Variants in B3GALT5 observed in about 807,000 individuals in gnomAD.
B3GALT5 encodes beta-1,3-galactosyltransferase 5.
For missense variants in B3GALT5, 328 were observed against 396.6 expected, an observed-to-expected ratio of 0.83 and a Z score of 1.47; for synonymous variants, 156 against 158.6, an observed-to-expected ratio of 0.98 and a Z score of 0.12.
chr21:39,649,305 G>T (rs2079371919), intron 2 of B3GALT5, among the ~76,000 whole-genome samples: 1 of 152,160 alleles, frequency 6.6e-6, no homozygotes, highest in Non-Finnish European at 1.5e-5. Context: ...ATTCTGAGCT[G>T]CCCTGCCTGC....
chr21:39,631,885 A>G (rs753902287), intron 1 of B3GALT5, among the ~76,000 whole-genome samples: 4 of 152,196 alleles, frequency 2.6e-5, no homozygotes, highest in African/African-American at 7.2e-5. Flanking sequence ...TGAGGGGGCT[A>G]CATTTGGGCT....
chr21:39,640,408 C>T (rs572748724), intron 1 of B3GALT5, among the ~76,000 whole-genome samples: 41 of 152,228 alleles, frequency 2.7e-4, no homozygotes, highest in Admixed American at 4.6e-4. Flanking sequence ...CCCTCATGCT[C>T]CCTGGTTCAG....
chr21:39,638,341 A>T (rs1246182105), intron 1 of B3GALT5, among the ~76,000 whole-genome samples: 1 of 152,204 alleles, frequency 6.6e-6, no homozygotes, highest in Non-Finnish European at 1.5e-5. Context: ...GGAGGAACAC[A>T]TGGGCGGCTG....
chr21:39,616,293 T>C (rs2079107128), intron 1 of B3GALT5, among the ~76,000 whole-genome samples: 1 of 152,180 alleles, frequency 6.6e-6, no homozygotes, highest in Admixed American at 6.5e-5. Flanking sequence ...ATTTATTCAT[T>C]TTTCCATAGA....
intron 1 of B3GALT5, among the ~76,000 whole-genome samples, chr21:39,625,908 T>C (rs1383709797): frequency 1.3e-5 from 2 of 152,216 alleles, no homozygotes; most frequent in Non-Finnish European, 2.9e-5. Context: ...TACAATTCAG[T>C]GAACCCCTAA....
intron 1 of B3GALT5, among the ~76,000 whole-genome samples, chr21:39,644,268 C>T (rs1245773193): frequency 1.3e-5 from 2 of 152,092 alleles, no homozygotes; most frequent in South Asian, 4.2e-4. Flanking sequence ...TCCCCAACAC[C>T]TGTGAAGATA....
intron 1 of B3GALT5, among the ~76,000 whole-genome samples, chr21:39,616,717 T>G (rs1488354293): frequency 6.6e-6 from 1 of 152,170 alleles, no homozygotes; most frequent in African/African-American, 2.4e-5. Context: ...GGAGATACAG[T>G]TTATCAGCTT....
At chr21:39,625,378 G>A (rs924092797) in intron 1 of B3GALT5, among the ~76,000 whole-genome samples, 1 of 152,130 alleles carries the variant, frequency 6.6e-6, no homozygotes, top group African/African-American at 2.4e-5. Context: ...AACCCCACTC[G>A]GTCCATCTTT....
chr21:39,655,919 T>C (rs1238306627), intron 2 of B3GALT5, among the ~76,000 whole-genome samples: 1 of 152,168 alleles, frequency 6.6e-6, no homozygotes, highest in Non-Finnish European at 1.5e-5. Flanking sequence ...ATATTTTCAG[T>C]CTGTACAACG....
intron 2 of B3GALT5, among the ~76,000 whole-genome samples, chr21:39,650,706 T>G (rs77119019): frequency 0.18 from 26,706 of 151,950 alleles, 2,391 homozygotes; most frequent in Admixed American, 0.19. Flanking sequence ...TGGTGGAACG[T>G]CCACAGGATA....
At chr21:39,615,957 T>A (rs2079105313) in intron 1 of B3GALT5, among the ~76,000 whole-genome samples, 1 of 152,226 alleles carries the variant, frequency 6.6e-6, no homozygotes, top group Non-Finnish European at 1.5e-5. Context: ...TTTTAAAAAA[T>A]AACATGATTT....
intron 2 of B3GALT5, among the ~76,000 whole-genome samples, chr21:39,657,119 C>G (rs1032781186): frequency 4.6e-5 from 7 of 152,236 alleles, no homozygotes; most frequent in Non-Finnish European, 1.0e-4. Flanking sequence ...CTCCTGGCAT[C>G]TATATTGCTC....
At chr21:39,636,610 G>C (rs558577826) in intron 1 of B3GALT5, among the ~76,000 whole-genome samples, 1 of 152,084 alleles carries the variant, frequency 6.6e-6, no homozygotes, top group African/African-American at 2.4e-5. Context: ...CTTCTTGAGG[G>C]GCTGTGCACA....
chr21:39,620,296 A>G (rs987790952), intron 1 of B3GALT5, among the ~76,000 whole-genome samples: 4 of 152,208 alleles, frequency 2.6e-5, no homozygotes, highest in Admixed American at 2.0e-4. Context: ...TTGACATCTC[A>G]GAAGAGTTCA....
chr21:39,638,244 C>T (rs1207575934), intron 1 of B3GALT5, among the ~76,000 whole-genome samples: 1 of 152,154 alleles, frequency 6.6e-6, no homozygotes, highest in African/African-American at 2.4e-5. Context: ...CCCTGGCCTG[C>T]CACACCCCCA....
At chr21:39,641,835 A>T (rs2079292899) in intron 1 of B3GALT5, among the ~76,000 whole-genome samples, 1 of 152,210 alleles carries the variant, frequency 6.6e-6, no homozygotes, top group South Asian at 2.1e-4. Context: ...CAGGCTTATA[A>T]GTCCCTGGTA....
intron 1 of B3GALT5, among the ~76,000 whole-genome samples, chr21:39,643,417 CAAAA>C (rs532164130): frequency 3.5e-5 from 4 of 113,422 alleles, no homozygotes; most frequent in Admixed American, 9.6e-5. Context: ...GACTCTAGCT[CAAAA>C]AAAAAAAAAA....
rs1029001787 is a variant in B3GALT5 at position 39,661,646 on chromosome 21, C to T, written c.*154C>T. 2 of 687,118 alleles carry T rather than the reference C, an allele frequency of 2.9e-6. No individual in the cohort carries two copies. Among genetic ancestry groups the T allele is most frequent in the Non-Finnish European group, 4.5e-6 (2 of 446,626 alleles). 42.6% of individuals were successfully genotyped at this position (687,118 alleles called of 1,614,324 possible). On this transcript the variant is annotated 3_prime_UTR_variant, in exon 4 of 4. Transcript: ENST00000684187. The surrounding 1 kb of genome is among the most constrained non-coding windows in gnomAD (Gnocchi z 4.7). ...TGTTCATGAAGTCACTGATTAGTTC[C>T]CACTTGGTGCCCCAGGCAATAATAG...
rs868249633 is a variant in B3GALT5 at position 39,617,615 on chromosome 21, C to T, written c.-392+4548C>T. ...TCCCTCGACACTTGAGGATTACAGC[C>T]GGAGATGAGATTTGGGTGGGGACAC... On this transcript the variant is annotated intron_variant, in intron 1 of 3. Coordinates refer to ENST00000684187, the MANE Select transcript of B3GALT5 (RefSeq NM_001356336.2). Among the ~76,000 whole-genome samples the T allele has an allele frequency of 7.2e-5, 11 of 152,272 alleles. No individual in the cohort carries two copies. The South Asian group carries it at 8.3e-4, about 11-fold the overall frequency.
Sources: gnomAD v4.1 joint callset for allele counts (sites outside exome capture counted in the v4.1 genomes callset) on GRCh38, gnomAD v4.1.1 for gene constraint, Gnocchi (gnomAD v3.1) non-coding constraint, MANE v1.5 for transcripts, NCBI Gene and HGNC (gene_info 2026-07-23, HGNC 2026-07-21) for gene names.